The following HPS4 variants were observed in gnomAD, a reference collection of about 807,000 sequenced individuals.
The protein encoded by HPS4 is HPS4 biogenesis of lysosomal organelles complex 3 subunit 2, also known as BLOC-3 complex member HPS4.
Under a neutral mutation model 70.3 loss-of-function variants are expected in HPS4, and 44 were observed. That is an observed-to-expected ratio of 0.63 (90% confidence interval 0.49 to 0.80). HPS4 has a LOEUF of 0.80. Ranked by LOEUF, HPS4 falls within the 30% of genes least tolerant of loss-of-function variation. The pLI is 0.00. For synonymous variants in HPS4, 377 were observed against 355.9 expected (o/e 1.06, Z -0.67); for missense variants, 873 against 884.4 (o/e 0.99, Z 0.16).
chr22:26,467,448 T>G (rs2088870598), intron 8 of HPS4: 1 of 152,240 alleles, frequency 6.6e-6, no homozygotes, highest in South Asian at 2.1e-4. Flanking sequence ...TCATAAAGCT[T>G]GTTGTGATCA....
At chr22:26,459,197 G>A (rs1247447229) in intron 11 of HPS4, among the ~76,000 whole-genome samples, 1 of 152,194 alleles carries the variant, frequency 6.6e-6, no homozygotes, top group Non-Finnish European at 1.5e-5. Flanking sequence ...GCACGGTCCT[G>A]GCTTTCTTGG....
rs186245688 is a variant in HPS4, at chr22:26,451,313, C to T, written c.*1920G>A. 9.2e-5 allele frequency among the ~76,000 whole-genome samples: 14 copies of T among 152,262 alleles called. No individual in the cohort carries two copies. Among genetic ancestry groups the T allele is most frequent in the South Asian group, 2.1e-4 (1 of 4,818 alleles). ...CTGAAACCTCTGAAATATTAAAAAACGGGAAAACAGCGGGTTAAGTGTTTC... is the reference window on the plus strand; with the variant it reads ...CTGAAACCTCTGAAATATTAAAAAATGGGAAAACAGCGGGTTAAGTGTTTC... On this transcript the variant is annotated 3_prime_UTR_variant, in exon 14 of 14. Transcript: ENST00000398145.
At chr22:26,468,773 C>A in intron 7 of HPS4, 150 bp from the exon 8 acceptor site, 1 of 711,704 alleles carries the variant, frequency 1.4e-6, no homozygotes, top group Non-Finnish European at 2.6e-6. Flanking sequence ...ACAGAGGGCA[C>A]TCTGGCAGTT....
chr22:26,468,950 A>T (rs186448249), intron 7 of HPS4, among the ~76,000 whole-genome samples: 223 of 152,370 alleles, frequency 1.5e-3, no homozygotes, highest in Middle Eastern at 6.8e-3. Context: ...AATCCCAAAA[A>T]GTATGCAGTC....
In HPS4 at chr22:26,451,271, G is replaced by A. The variant is rs5761533; in HGVS notation, c.*1962C>T. On this transcript the variant is annotated 3_prime_UTR_variant, in exon 14 of 14. Transcript: ENST00000398145. ...TGGGCCTGGGGCTGTGGGATTAACC[G>A]TGTCCTGAGTGACCCCCTGAAACCT... 0.45 allele frequency among the ~76,000 whole-genome samples: 67,909 copies of A among 152,046 alleles called. 15,638 individuals carry two copies. The highest frequency in any genetic ancestry group is 0.49 in the East Asian group (2,514 of 5,172).
Position 26,464,467 on chromosome 22 carries a change from G to A in HPS4, c.1163C>T (p.Ala388Val). 1 of 1,614,220 alleles carries A rather than the reference G, an allele frequency of 6.2e-7. No individual in the cohort carries two copies. The highest frequency in any genetic ancestry group is 2.2e-5 in the East Asian group (1 of 44,884). Residue 388 changes from alanine (A) to valine (V), a missense_variant, in exon 11 of 14, where the codon GCC (alanine) becomes GTC (valine). Physicochemically the swap from Ala to Val is moderately conservative, Grantham distance 64. Coordinates refer to ENST00000398145, the MANE Select transcript of HPS4 (RefSeq NM_022081.6). ...QEVEMASGHF[A>V]FLHVPVPDGR... ...ATCTGGAACAGGCACATGTAGGAAG[G>A]CAAAATGACCTGAGGCCATTTCCAC...
downstream of HPS4, among the ~76,000 whole-genome samples, chr22:26,449,740 A>C (rs2085080353): frequency 6.6e-6 from 1 of 152,084 alleles, no homozygotes; most frequent in Non-Finnish European, 1.5e-5. Context: ...ACTGAGAGAG[A>C]GGGAACTGGG....
rs16982178 is a variant in HPS4, at chr22:26,481,497, G to A, written c.41+225C>T. 0.12 allele frequency among the ~76,000 whole-genome samples: 18,985 copies of A among 152,228 alleles called. 1,685 individuals carry two copies. Among genetic ancestry groups the A allele is most frequent in the South Asian group, 0.37 (1,801 of 4,828 alleles). ...TGGCTATCTTTTCTACAATCTCCCA[G>A]CAATGCCAGACTCATTCAAACATTG... On this transcript the variant is annotated intron_variant, in intron 2 of 13. Transcript: ENST00000398145.
chr22:26,483,574 A>C, intron 1 of HPS4, 100 bp downstream of exon 1: 5 of 198,526 alleles, frequency 2.5e-5, no homozygotes, highest in Non-Finnish European at 3.0e-5. Flanking sequence ...GGGACTGGGA[A>C]ATGGTGGGCG....
chr22:26,473,631 T>C (rs1330685151), intron 4 of HPS4, among the ~76,000 whole-genome samples: 4 of 152,130 alleles, frequency 2.6e-5, no homozygotes, highest in Non-Finnish European at 2.9e-5. Context: ...TAGTCCCAGC[T>C]ACTCAGGAGG....
At chr22:26,466,907 T>C (rs1183840326) in intron 8 of HPS4, 1 of 153,852 alleles carries the variant, frequency 6.5e-6, no homozygotes, top group Non-Finnish European at 1.4e-5. Flanking sequence ...TGATATGGTG[T>C]TCTTCCTTTT....
At chr22:26,467,818 C>T (rs2088959144) in intron 8 of HPS4, 1 of 152,150 alleles carries the variant, frequency 6.6e-6, no homozygotes, top group Non-Finnish European at 1.5e-5. Context: ...AATGAGCATG[C>T]ATGGCTTTTT....
Position 26,452,004 on chromosome 22 carries a change from GCACACACACACACA to G in HPS4, c.*1215_*1228del, listed in dbSNP as rs134978. Reference sequence around the variant, plus strand: ...CCACGTTACGCGCGCGCGCGCGCGCGCACACACACACACACACACACACACACACACACACACAC... The same window carrying G: ...CCACGTTACGCGCGCGCGCGCGCGCGCACACACACACACACACACACACAC... On this transcript the variant is annotated 3_prime_UTR_variant, in exon 14 of 14. Transcript: ENST00000398145. The G allele has an allele frequency of 3.8e-5, 4 of 105,716 alleles. No individual in the cohort carries two copies. The highest frequency in any genetic ancestry group is 9.1e-5 in the African/African-American group (2 of 21,956). 6.5% of individuals were successfully genotyped at this position (105,716 alleles called of 1,614,324 possible). A position where few individuals can be genotyped will look rare whatever the true frequency, so the allele number is the denominator to read the frequency against.
At chr22:26,479,508 A>C in intron 2 of HPS4, 153 bp from the exon 3 acceptor site, 1 of 1,453,976 alleles carries the variant, frequency 6.9e-7, no homozygotes, top group Non-Finnish European at 9.0e-7. Context: ...CAGTAGCTAC[A>C]AATTAGATAA....
In HPS4 at chr22:26,481,630, T is replaced by A. The variant is rs947873425; in HGVS notation, c.41+92A>T. On this transcript the variant is annotated intron_variant, in intron 2 of 13. Transcript: ENST00000398145. The stretch of plus-strand genomic sequence containing the variant: ...CATTTTTATTGTTATGTTAATAAAA[T>A]TAACACAATCTGGCTGGGGATTTTC... The A allele has an allele frequency of 6.6e-6, 8 of 1,218,196 alleles. No homozygotes were observed. The African/African-American group carries it at 1.2e-4, about 18-fold the overall frequency. The allele number at this position is 1,218,196 out of a possible 1,614,324, so 75.5% of individuals were successfully genotyped here.
chr22:26,474,267 T>C (rs575402169), intron 4 of HPS4, among the ~76,000 whole-genome samples: 1 of 151,892 alleles, frequency 6.6e-6, no homozygotes, highest in African/African-American at 2.4e-5. Flanking sequence ...AGTCCAGAAA[T>C]AGACCCACGC....
At chr22:26,471,966 A>T (rs1299327836) in intron 6 of HPS4, among the ~76,000 whole-genome samples, 1 of 152,242 alleles carries the variant, frequency 6.6e-6, no homozygotes, top group East Asian at 1.9e-4. Flanking sequence ...ACTAGATCAT[A>T]TGATATGAAT....
At position 26,454,527 on chromosome 22, in the gene HPS4, T is replaced by A. The variant is rs112761587; in HGVS notation, c.1956-1123A>T. Reference sequence around the variant, plus strand: ...GTGGTTAAGAAATGGTAGCTGTTCATATGTAGAAAGCTGAAACTGGATCCC... The same window carrying A: ...GTGGTTAAGAAATGGTAGCTGTTCAAATGTAGAAAGCTGAAACTGGATCCC... On this transcript the variant is annotated intron_variant, in intron 13 of 13. Coordinates refer to ENST00000398145, the MANE Select transcript of HPS4 (RefSeq NM_022081.6). Among the ~76,000 whole-genome samples the A allele has an allele frequency of 9.0e-3, 1,364 of 152,344 alleles. 23 individuals are homozygous for A. Among genetic ancestry groups the A allele is most frequent in the African/African-American group, 0.031 (1,306 of 41,568 alleles).
chr22:26,461,162 G>A (rs2087181879), intron 11 of HPS4, among the ~76,000 whole-genome samples: 1 of 152,232 alleles, frequency 6.6e-6, no homozygotes, highest in Non-Finnish European at 1.5e-5. Flanking sequence ...GCGTGCAGCA[G>A]GAGCAATGCA....
Sources: gnomAD v4.1 joint callset for allele counts (sites outside exome capture counted in the v4.1 genomes callset) on GRCh38, gnomAD v4.1.1 for gene constraint, MANE v1.5 for transcripts, NCBI Gene and HGNC (gene_info 2026-07-23, HGNC 2026-07-21) for gene names.